FMN2: variants seen among roughly 807,000 people sequenced by gnomAD.
FMN2 encodes the protein formin-2.
Under a neutral mutation model 142.3 loss-of-function variants are expected in FMN2, and 51 were observed. The ratio of observed to expected loss-of-function variants is 0.36; its 90% CI spans 0.29 to 0.45. The LOEUF (loss-of-function observed/expected upper bound fraction) is 0.45. Among genes scored for constraint, FMN2 ranks in the 20% least tolerant of loss-of-function variants. FMN2 has a pLI of 1.00. For missense variants in FMN2, 1,936 were observed against 2,122.8 expected, an observed-to-expected ratio of 0.91 and a Z score of 1.73; for synonymous variants, 882 against 869.8, an observed-to-expected ratio of 1.01 and a Z score of -0.25.
At chr1:240,436,382 A>G (rs1007503438) in intron 15 of FMN2, among the ~76,000 whole-genome samples, 2 of 152,208 alleles carry the variant, frequency 1.3e-5, no homozygotes, top group Non-Finnish European at 2.9e-5. Context: ...AGACAGCCAT[A>G]GGCAAGTTTA....
chr1:240,462,431 A>G, intron 16 of FMN2, among the ~76,000 whole-genome samples: 1 of 152,190 alleles, frequency 6.6e-6, no homozygotes, highest in East Asian at 1.9e-4. Context: ...AAGTCAGTAA[A>G]CTCAAAGGTC....
chr1:240,457,175 C>T (rs12755101), intron 16 of FMN2, among the ~76,000 whole-genome samples: 113,575 of 152,014 alleles, frequency 0.75, 42,613 homozygotes, highest in Middle Eastern at 0.82. Flanking sequence ...TAGGAAAAAT[C>T]TTCTAAGCTG....
At chr1:240,165,227 G>A (rs1444192671) in intron 2 of FMN2, among the ~76,000 whole-genome samples, 1 of 152,120 alleles carries the variant, frequency 6.6e-6, no homozygotes, top group African/African-American at 2.4e-5. Flanking sequence ...CCAGGCTGAA[G>A]TGCTGTGGTG....
At chr1:240,099,450 T>C (rs188732433) in intron 1 of FMN2, among the ~76,000 whole-genome samples, 2,528 of 151,886 alleles carry the variant, frequency 0.017, 31 homozygotes, top group Non-Finnish European at 0.026. Context: ...GCTGTAAGAT[T>C]TGGGGGAGGG....
chr1:240,269,142 C>A (rs1399418847), intron 7 of FMN2, among the ~76,000 whole-genome samples: 6 of 151,896 alleles, frequency 4.0e-5, no homozygotes. Flanking sequence ...TGTCATGGAA[C>A]CTTTCCTAAC....
At chr1:240,325,454 C>T (rs1671139161) in intron 8 of FMN2, among the ~76,000 whole-genome samples, 1 of 151,944 alleles carries the variant, frequency 6.6e-6, no homozygotes, top group Non-Finnish European at 1.5e-5. Context: ...TATACTTTCT[C>T]ATATAAATGC....
chr1:240,120,601 G>A (rs1261326171), intron 1 of FMN2, among the ~76,000 whole-genome samples: 3 of 152,212 alleles, frequency 2.0e-5, no homozygotes. Flanking sequence ...TTATATGTCA[G>A]TGAGGAAGGT....
chr1:240,256,682 C>T (rs1008907734), intron 6 of FMN2, among the ~76,000 whole-genome samples: 2 of 151,904 alleles, frequency 1.3e-5, no homozygotes, highest in Admixed American at 6.6e-5. Context: ...ACTCAGGAGG[C>T]GGAGGCTGCA....
At chr1:240,274,447 C>G (rs1026417) in intron 7 of FMN2, among the ~76,000 whole-genome samples, 141,853 of 152,160 alleles carry the variant, frequency 0.93, 66,232 homozygotes, top group African/African-American at 0.98. Context: ...GAGCACTCAG[C>G]GGGGAGAGAA....
At chr1:240,452,289 C>A (rs1676086881) in intron 16 of FMN2, among the ~76,000 whole-genome samples, 1 of 152,102 alleles carries the variant, frequency 6.6e-6, no homozygotes, top group African/African-American at 2.4e-5. Context: ...TTTAGAATTT[C>A]AAATACCCAG....
At chr1:240,304,842 G>A (rs1670325683) in intron 8 of FMN2, among the ~76,000 whole-genome samples, 1 of 152,184 alleles carries the variant, frequency 6.6e-6, no homozygotes, top group Non-Finnish European at 1.5e-5. Flanking sequence ...CCGGGAGTGG[G>A]GGATAGGTAG....
intron 6 of FMN2, among the ~76,000 whole-genome samples, chr1:240,221,452 A>G (rs1334011841): frequency 2.0e-5 from 3 of 151,998 alleles, no homozygotes; most frequent in East Asian, 3.9e-4. Context: ...TTTGATTTGC[A>G]TTTCTCTAAT....
At chr1:240,445,095 C>A (rs984928976) in intron 16 of FMN2, among the ~76,000 whole-genome samples, 1 of 152,130 alleles carries the variant, frequency 6.6e-6, no homozygotes, top group Non-Finnish European at 1.5e-5. Flanking sequence ...GCAGAAGAGT[C>A]GACAAACAGG....
chr1:240,303,987 G>A (rs999625613), intron 8 of FMN2, among the ~76,000 whole-genome samples: 4 of 151,830 alleles, frequency 2.6e-5, no homozygotes, highest in Non-Finnish European at 5.9e-5. Context: ...GTATTTTTCA[G>A]TTCTTTTCAG....
intron 8 of FMN2, among the ~76,000 whole-genome samples, chr1:240,309,236 G>C (rs1469336625): frequency 6.6e-6 from 1 of 152,106 alleles, no homozygotes; most frequent in African/African-American, 2.4e-5. Context: ...CTAAGACTGG[G>C]GTGCAGATTT....
At chr1:240,206,057 C>T (rs1403975232) in intron 4 of FMN2, among the ~76,000 whole-genome samples, 5 of 151,980 alleles carry the variant, frequency 3.3e-5, no homozygotes, top group South Asian at 2.1e-4. Flanking sequence ...CGTGTGCCAC[C>T]GTGCTCAGCT....
chr1:240,106,263 T>G (rs1321312577), intron 1 of FMN2, among the ~76,000 whole-genome samples: 1 of 152,158 alleles, frequency 6.6e-6, no homozygotes, highest in Non-Finnish European at 1.5e-5. Flanking sequence ...TAAATGATGC[T>G]TTCTCCCCAG....
chr1:240,331,557 T>TA (rs1671379099), intron 11 of FMN2, among the ~76,000 whole-genome samples: 1 of 152,178 alleles, frequency 6.6e-6, no homozygotes, highest in Non-Finnish European at 1.5e-5. Flanking sequence ...GAAATAAAAA[T>TA]ATGTAGGACT....
At chr1:240,197,093 T>C (rs1665941453) in intron 4 of FMN2, among the ~76,000 whole-genome samples, 1 of 151,980 alleles carries the variant, frequency 6.6e-6, no homozygotes, top group Non-Finnish European at 1.5e-5. Context: ...AGTAATAGGG[T>C]TGGGACTTTC....
Sources: gnomAD v4.1 joint callset for allele counts (sites outside exome capture counted in the v4.1 genomes callset) on GRCh38, gnomAD v4.1.1 for gene constraint, MANE v1.5 for transcripts, NCBI Gene and HGNC (gene_info 2026-07-23, HGNC 2026-07-21) for gene names.